The following ARID4B variants were observed in gnomAD, a reference collection of about 807,000 sequenced individuals.
ARID4B encodes AT-rich interactive domain-containing protein 4B.
ARID4B carries 26 observed loss-of-function variants against 147.5 expected under a neutral mutation model. The observed-to-expected ratio is 0.18, with a 90% CI of 0.13 to 0.24. The LOEUF (loss-of-function observed/expected upper bound fraction) is 0.24, where lower values mean the gene tolerates loss of function less well. ARID4B is among the 10% of genes least tolerant of loss of function. ARID4B has a pLI of 1.00. For missense variants in ARID4B, 1,179 were observed against 1,511.5 expected, an observed-to-expected ratio of 0.78 and a Z score of 3.65; for synonymous variants, 512 against 507.9, an observed-to-expected ratio of 1.01 and a Z score of -0.11.
intron 19 of ARID4B, 62 bp downstream of exon 19, chr1:235,193,951 A>G (rs1393642364): frequency 1.5e-6 from 2 of 1,314,844 alleles, no homozygotes; most frequent in African/African-American, 1.5e-5. Context: ...AATTACCTTT[A>G]TAGAACTTGA....
In ARID4B at chr1:235,175,323, A is replaced by C. The variant is rs771023913; in HGVS notation, c.3525T>G (p.Thr1175=). 1 of 1,614,128 alleles carries C rather than the reference A, an allele frequency of 6.2e-7. No individual in the cohort carries two copies. Among genetic ancestry groups the C allele is most frequent in the Non-Finnish European group, 8.5e-7 (1 of 1,180,004 alleles). ...TKSQPVKSVS[T]GMKSHSTKSP... is the part of the protein sequence containing the mutation. ...ATTTGGTACTATGAGACTTCATTCC[A>C]GTGGAAACTGATTTGACTGGCTGAC... Residue 1175 remains threonine (T), a synonymous_variant, in exon 22 of 24, where the codon ACT becomes ACG. Transcript: ENST00000264183.
intron 2 of ARID4B, among the ~76,000 whole-genome samples, chr1:235,312,830 G>A (rs1046849572): frequency 4.6e-5 from 7 of 151,980 alleles, no homozygotes; most frequent in South Asian, 2.1e-4. Flanking sequence ...AAAATTAGCC[G>A]AGCATGGTGG....
At position 235,252,817 on chromosome 1, in the gene ARID4B, A is replaced by T. The variant is rs757882500; in HGVS notation, c.275-8T>A. On this transcript the variant is annotated splice_polypyrimidine_tract_variant and splice_region_variant and intron_variant, in intron 5 of 23. Transcript: ENST00000264183. ...CATCTCCGTCATCAAAAACTATGAG[A>T]GGGGGTAAAAATGGAAGCTACTGAA... The T allele has an allele frequency of 6.2e-7, 1 of 1,606,966 alleles. No individual in the cohort carries two copies. The highest frequency in any genetic ancestry group is 1.7e-5 in the Admixed American group (1 of 58,852).
chr1:235,307,526 A>G (rs762136307), intron 2 of ARID4B, among the ~76,000 whole-genome samples: 10 of 152,224 alleles, frequency 6.6e-5, no homozygotes, highest in Admixed American at 3.3e-4. Flanking sequence ...ATTTAAGAGA[A>G]GGTTGACTGT....
intron 19 of ARID4B, among the ~76,000 whole-genome samples, chr1:235,187,810 C>T (rs1287804132): frequency 3.3e-5 from 5 of 151,958 alleles, no homozygotes; most frequent in African/African-American, 1.2e-4. Context: ...ATAAAATTCA[C>T]TGAAAAAAGA....
chr1:235,291,486 T>C (rs1672335539), intron 2 of ARID4B, among the ~76,000 whole-genome samples: 1 of 152,014 alleles, frequency 6.6e-6, no homozygotes, highest in Non-Finnish European at 1.5e-5. Flanking sequence ...TTTTTACACT[T>C]AGAATGGTTT....
intron 2 of ARID4B, among the ~76,000 whole-genome samples, chr1:235,318,999 G>C (rs1674633766): frequency 1.3e-5 from 2 of 152,140 alleles, no homozygotes; most frequent in Non-Finnish European, 1.5e-5. Context: ...TTAAATAGCA[G>C]TGACAGATAG....
chr1:235,199,403 C>A (rs1410422339), intron 17 of ARID4B, among the ~76,000 whole-genome samples: 1 of 152,154 alleles, frequency 6.6e-6, no homozygotes, highest in Non-Finnish European at 1.5e-5. Flanking sequence ...GTATAAAACA[C>A]AGTTACACAA....
intron 10 of ARID4B, among the ~76,000 whole-genome samples, chr1:235,229,798 A>T (rs1174119322): frequency 1.3e-5 from 2 of 152,220 alleles, no homozygotes; most frequent in African/African-American, 4.8e-5. Context: ...ATACCTGAAA[A>T]CTGACCACAC....
intron 2 of ARID4B, among the ~76,000 whole-genome samples, chr1:235,314,138 T>A (rs1485988265): frequency 1.3e-5 from 2 of 151,962 alleles, no homozygotes; most frequent in African/African-American, 2.4e-5. Flanking sequence ...GACACCAGTC[T>A]TCTTGGAAAG....
rs1329313778 is a variant in ARID4B, at chr1:235,214,099, T to C, written c.1584-73A>G. The C allele has an allele frequency of 5.1e-5, 76 of 1,496,504 alleles. No individual in the cohort carries two copies. In the South Asian group the frequency reaches 8.8e-4, roughly 17 times the overall value. 92.7% of individuals were successfully genotyped at this position (1,496,504 alleles called of 1,614,324 possible). A position where few individuals can be genotyped will look rare whatever the true frequency, so the allele number is the denominator to read the frequency against. The stretch of plus-strand genomic sequence containing the variant: ...GTTTTTCAGTTCCAAACCACATATA[T>C]TGATAAAAGTTGTGGCTGTGATTGT... On this transcript the variant is annotated intron_variant, in intron 16 of 23. Transcript: ENST00000264183.
chr1:235,238,489 A>G (rs558521021), intron 8 of ARID4B, among the ~76,000 whole-genome samples: 51 of 152,226 alleles, frequency 3.4e-4, no homozygotes, highest in African/African-American at 1.0e-3. Context: ...TAGTACTTTC[A>G]AAGTGTCTTT....
At chr1:235,279,838 G>C (rs1288556338) in intron 2 of ARID4B, among the ~76,000 whole-genome samples, 2 of 152,190 alleles carry the variant, frequency 1.3e-5, no homozygotes, top group African/African-American at 4.8e-5. Flanking sequence ...CCTGGATGCT[G>C]AGTTTTAAGG....
chr1:235,213,305 T>C (rs1354356418), intron 17 of ARID4B, among the ~76,000 whole-genome samples: 1 of 152,174 alleles, frequency 6.6e-6, no homozygotes, highest in East Asian at 1.9e-4. Context: ...TGTAATGCAA[T>C]AGCTGTTAAT....
intron 2 of ARID4B, among the ~76,000 whole-genome samples, chr1:235,321,294 T>A (rs6697580): frequency 0.29 from 44,493 of 152,084 alleles, 7,657 homozygotes; most frequent in South Asian, 0.53. Context: ...AAATTTGCCA[T>A]GTTATGGATC....
chr1:235,221,510 T>C (rs1441920695), intron 14 of ARID4B, 55 bp downstream of exon 14: 14 of 1,016,672 alleles, frequency 1.4e-5, no homozygotes, highest in Admixed American at 4.3e-5. Context: ...GTAAATTTCA[T>C]CCTGCTTTCT....
chr1:235,205,910 A>C (rs975081986), intron 17 of ARID4B, among the ~76,000 whole-genome samples: 1 of 152,226 alleles, frequency 6.6e-6, no homozygotes, highest in South Asian at 2.1e-4. Flanking sequence ...ATTGCTGGTG[A>C]GAATGTAAAA....
At chr1:235,276,365 T>TCTGTAGG (rs1671315368) in intron 2 of ARID4B, among the ~76,000 whole-genome samples, 3 of 152,190 alleles carry the variant, frequency 2.0e-5, no homozygotes, top group African/African-American at 7.2e-5. Flanking sequence ...CCTTACCAGA[T>TCTGTAGG]GCGTCTGGCC....
In ARID4B at chr1:235,177,630, A is replaced by G. The variant is rs996700701; in HGVS notation, c.3448+170T>C. On this transcript the variant is annotated intron_variant, in intron 21 of 23. Coordinates refer to ENST00000264183, the MANE Select transcript of ARID4B (RefSeq NM_016374.6). ...CCTAGTGCATGTTTTTTTTTTGTCTATTTTGTTTTTTAAAGCAAGTAGCCT... is the reference window on the plus strand; with the variant it reads ...CCTAGTGCATGTTTTTTTTTTGTCTGTTTTGTTTTTTAAAGCAAGTAGCCT... 5 of 485,898 alleles carry G rather than the reference A, an allele frequency of 1.0e-5. No individual in the cohort carries two copies. In the East Asian group the frequency reaches 1.3e-4, roughly 13 times the overall value. The allele number at this position is 485,898 out of a possible 1,614,324, so 30.1% of individuals were successfully genotyped here.
Sources: gnomAD v4.1 joint callset for allele counts (sites outside exome capture counted in the v4.1 genomes callset) on GRCh38, gnomAD v4.1.1 for gene constraint, MANE v1.5 for transcripts, NCBI Gene and HGNC (gene_info 2026-07-23, HGNC 2026-07-21) for gene names.